Variants in TRPS1 observed in about 807,000 individuals in gnomAD.
TRPS1 encodes the protein zinc finger transcription factor Trps1.
Under a neutral mutation model 101.2 loss-of-function variants are expected in TRPS1, and 6 were observed. The observed-to-expected ratio is 0.06, with a 90% CI of 0.03 to 0.12. The LOEUF (loss-of-function observed/expected upper bound fraction) is 0.12, where lower values mean the gene tolerates loss of function less well. Ranked by LOEUF, TRPS1 falls within the 10% of genes least tolerant of loss-of-function variation. The probability of loss-of-function intolerance (pLI) is 1.00; values close to 1 mark genes in which losing one functional copy is unlikely to be tolerated. For synonymous variants in TRPS1, 578 were observed against 589.8 expected (o/e 0.98, Z 0.29); for missense variants, 1,363 against 1,567.0 (o/e 0.87, Z 2.20).
intron 1 of TRPS1, among the ~76,000 whole-genome samples, chr8:115,654,315 T>C (rs1586499043): frequency 6.6e-6 from 1 of 152,290 alleles, no homozygotes; most frequent in East Asian, 1.9e-4. Context: ...AATTTATCAT[T>C]CAAAAGACAG....
At chr8:115,487,569 G>A (rs1382759830) in intron 5 of TRPS1, among the ~76,000 whole-genome samples, 1 of 152,180 alleles carries the variant, frequency 6.6e-6, no homozygotes, top group African/African-American at 2.4e-5. Flanking sequence ...TAATTCGTGG[G>A]AGGAGGTTAA....
Position 115,587,434 on chromosome 8 carries a change from T to A in TRPS1, c.2267A>T (p.Asp756Val), listed in dbSNP as rs1817589632. Reference protein sequence around the residue: ...ISTIKEEPKIDFRVYNLLTPD... With the variant: ...ISTIKEEPKIVFRVYNLLTPD... The stretch of plus-strand genomic sequence containing the variant: ...AGTTAGCAGATTGTAGACCCTGAAG[T>A]CAATTTTGGGCTCCTCTTTGATGGT... The change falls in exon 5 of 7, where the codon GAC becomes GTC. Residue 756 changes from aspartate (D) to valine (V), a missense_variant. Asp to Val is a radical substitution (Grantham distance 152). Around this residue, in one of 5 missense-constraint regions of TRPS1, gnomAD observed 1,020 missense variants for 1,073.0 expected, o/e 0.95. Coordinates refer to ENST00000395715, the MANE Select transcript of TRPS1 (RefSeq NM_014112.5). 2 of 1,614,164 alleles carry A rather than the reference T, an allele frequency of 1.2e-6. No individual in the cohort carries two copies. Among genetic ancestry groups the A allele is most frequent in the Non-Finnish European group, 1.7e-6 (2 of 1,180,016 alleles).
intron 5 of TRPS1, among the ~76,000 whole-genome samples, chr8:115,569,161 TTTGA>T (rs535340083): frequency 5.8e-4 from 88 of 152,226 alleles, no homozygotes; most frequent in South Asian, 4.2e-3. Flanking sequence ...CTTTCCTGAC[TTTGA>T]TTATTTTTTT....
chr8:115,512,332 A>G (rs1024711843), intron 5 of TRPS1, among the ~76,000 whole-genome samples: 1 of 151,790 alleles, frequency 6.6e-6, no homozygotes, highest in African/African-American at 2.4e-5. Flanking sequence ...TGTTTTTAAA[A>G]AAGAAAATTT....
chr8:115,653,991 G>C (rs553616250), intron 1 of TRPS1, among the ~76,000 whole-genome samples: 5 of 152,178 alleles, frequency 3.3e-5, no homozygotes, highest in Non-Finnish European at 7.3e-5. Context: ...AATAGCATTG[G>C]GGTTGTAATG....
rs928949293 is a variant in TRPS1, at chr8:115,608,750, C to T, written c.967-3748G>A. On this transcript the variant is annotated intron_variant, in intron 3 of 6. Transcript: ENST00000395715. ...ATGGTAGCCACTAGCCACAAGTAGG[C>T]TTAGTAAAAATGAAGAACTGTTTTT... Among the ~76,000 whole-genome samples the T allele has an allele frequency of 4.6e-5, 7 of 151,778 alleles. No individual in the cohort carries two copies. The East Asian group carries it at 1.2e-3, about 25-fold the overall frequency.
chr8:115,562,876 C>CTGTGTGTGTGTG (rs10588354), intron 5 of TRPS1, among the ~76,000 whole-genome samples: 178 of 132,678 alleles, frequency 1.3e-3, no homozygotes, highest in East Asian at 4.3e-3. Flanking sequence ...CCCACAGTGT[C>CTGTGTGTGTGTG]TGTGTGTGTG....
Position 115,604,490 on chromosome 8 carries a change from G to A in TRPS1, c.1479C>T (p.Val493=), listed in dbSNP as rs1390284711. 1.6e-5 allele frequency: 26 copies of A among 1,614,066 alleles called. No individual in the cohort carries two copies. Among genetic ancestry groups the A allele is most frequent in the Non-Finnish European group, 2.2e-5 (26 of 1,180,004 alleles). Residue 493 remains valine (V), a synonymous_variant, in exon 4 of 7, where the codon GTC becomes GTT. Coordinates refer to ENST00000395715, the MANE Select transcript of TRPS1 (RefSeq NM_014112.5). This position sits in a 1 kb window ranked among gnomAD's most constrained non-coding sequence, Gnocchi z 4.1. ...ELNDKLSRGS[V]INQNDLAKSS... ...TTTTGGCTAGATCATTCTGATTAAT[G>A]ACAGAGCCCCTGGAAAGCTTATCAT...
At chr8:115,599,552 C>A (rs866679146) in intron 4 of TRPS1, among the ~76,000 whole-genome samples, 1 of 152,110 alleles carries the variant, frequency 6.6e-6, no homozygotes, top group Non-Finnish European at 1.5e-5. Context: ...TCCATATGTT[C>A]TCATTGTTCA....
intron 1 of TRPS1, among the ~76,000 whole-genome samples, chr8:115,658,483 A>C (rs1448708658): frequency 6.6e-6 from 1 of 152,120 alleles, no homozygotes; most frequent in African/African-American, 2.4e-5. Context: ...GTTCAGATAT[A>C]TATACATCTC....
intron 5 of TRPS1, among the ~76,000 whole-genome samples, chr8:115,551,604 C>A (rs979549588): frequency 6.6e-6 from 1 of 152,052 alleles, no homozygotes; most frequent in Non-Finnish European, 1.5e-5. Flanking sequence ...AGAAGCAAAG[C>A]AGATTTTGAT....
intron 1 of TRPS1, among the ~76,000 whole-genome samples, chr8:115,624,727 C>A (rs1818467950): frequency 6.6e-6 from 1 of 151,752 alleles, no homozygotes; most frequent in African/African-American, 2.4e-5. Flanking sequence ...ATAATTTAGA[C>A]AGATTTATGC....
At chr8:115,551,335 A>G (rs542940877) in intron 5 of TRPS1, among the ~76,000 whole-genome samples, 1 of 152,292 alleles carries the variant, frequency 6.6e-6, no homozygotes, top group South Asian at 2.1e-4. Context: ...TCCAGTGCTA[A>G]AAAGTTTGAA....
intron 5 of TRPS1, among the ~76,000 whole-genome samples, chr8:115,461,304 GATACATACATAC>G (rs57142241): frequency 3.0e-4 from 23 of 75,460 alleles, no homozygotes; most frequent in South Asian, 2.3e-3. Flanking sequence ...TAGATAGACA[GATACATACATAC>G]ATACATACAT....
At chr8:115,605,926 A>C (rs1477377631) in intron 3 of TRPS1, among the ~76,000 whole-genome samples, 1 of 152,214 alleles carries the variant, frequency 6.6e-6, no homozygotes, top group Non-Finnish European at 1.5e-5. Context: ...TAGGCAGTAC[A>C]ATTAAGCCAC....
In TRPS1 at chr8:115,414,706, C is replaced by A. The variant is rs200107935; in HGVS notation, c.3202G>T (p.Val1068Leu). 6.2e-7 allele frequency: 1 copy of A among 1,613,958 alleles called. No homozygotes were observed. Among genetic ancestry groups the A allele is most frequent in the Non-Finnish European group, 8.5e-7 (1 of 1,179,966 alleles). The change falls in exon 7 of 7, where the codon GTA (valine) becomes TTA (leucine). Residue 1068 changes from valine to leucine, a missense_variant. Val to Leu is a conservative substitution (Grantham distance 32). Coordinates refer to ENST00000395715, the MANE Select transcript of TRPS1 (RefSeq NM_014112.5). The surrounding 1 kb of genome is among the most constrained non-coding windows in gnomAD (Gnocchi z 4.8). ...TCAGAACTTCCTTTCCCTTCAGATA[C>A]GGATGAACTATTTCCTGGATCTCCA... Reference protein sequence around the residue: ...STGDPGNSSSVSEGKGSSERG... With the variant: ...STGDPGNSSSLSEGKGSSERG...
In TRPS1 at chr8:115,513,590, G is replaced by A. The variant is rs187097183; in HGVS notation, c.2700+73411C>T. Among the ~76,000 whole-genome samples the A allele has an allele frequency of 7.1e-4, 108 of 151,694 alleles. 1 individual carries two copies. The highest frequency in any genetic ancestry group is 2.4e-3 in the African/African-American group (100 of 41,472). On this transcript the variant is annotated intron_variant, in intron 5 of 6. Coordinates refer to ENST00000395715, the MANE Select transcript of TRPS1 (RefSeq NM_014112.5). ...TCTATGCTATAAGTATAGGTTTATTGAAAACCAGTAATACCCATTCATTTA... is the reference window on the plus strand; with the variant it reads ...TCTATGCTATAAGTATAGGTTTATTAAAAACCAGTAATACCCATTCATTTA...
intron 5 of TRPS1, among the ~76,000 whole-genome samples, chr8:115,452,120 G>C (rs193088665): frequency 7.2e-5 from 11 of 152,202 alleles, no homozygotes; most frequent in South Asian, 2.1e-4. Context: ...ATCAGAGTTC[G>C]CATATCAAAT....
chr8:115,556,622 G>T (rs1195009226), intron 5 of TRPS1, among the ~76,000 whole-genome samples: 1 of 152,042 alleles, frequency 6.6e-6, no homozygotes, highest in East Asian at 1.9e-4. Context: ...AAAACAGACT[G>T]CATGTTTCTT....
Sources: allele counts gnomAD v4.1 joint callset (sites outside exome capture counted in the v4.1 genomes callset), GRCh38; gene constraint gnomAD v4.1.1; regional missense constraint gnomAD v4.1.1; non-coding constraint Gnocchi (gnomAD v3.1); transcripts MANE v1.5; gene names NCBI Gene and HGNC (gene_info 2026-07-23, HGNC 2026-07-21).